Variants in ADGRB3 observed in about 807,000 individuals in gnomAD.
ADGRB3 encodes the protein brain-specific angiogenesis inhibitor 3.
In ADGRB3, 37 loss-of-function variants were observed where a neutral mutation model predicts 193.4. The observed-to-expected ratio is 0.19, with a 90% CI of 0.15 to 0.25. ADGRB3 has a LOEUF of 0.25. Ranked by LOEUF, ADGRB3 falls within the 10% of genes least tolerant of loss-of-function variation. ADGRB3 has a pLI of 1.00. For missense variants in ADGRB3, 1,637 were observed against 1,852.9 expected, an observed-to-expected ratio of 0.88 and a Z score of 2.14; for synonymous variants, 690 against 644.2, an observed-to-expected ratio of 1.07 and a Z score of -1.08.
intron 3 of ADGRB3, among the ~76,000 whole-genome samples, chr6:68,697,338 A>G (rs1295483654): frequency 6.6e-6 from 1 of 151,910 alleles, no homozygotes; most frequent in African/African-American, 2.4e-5. Flanking sequence ...TGCTTTGATC[A>G]TCATTGTTGA....
intron 15 of ADGRB3, among the ~76,000 whole-genome samples, chr6:69,053,337 A>G (rs1251803097): frequency 6.6e-6 from 1 of 152,236 alleles, no homozygotes; most frequent in African/African-American, 2.4e-5. Context: ...TAACTGAGTT[A>G]TAATACAACT....
At position 68,882,383 on chromosome 6, in the gene ADGRB3, T is replaced by C. The variant is rs145124457; in HGVS notation, c.758-48176T>C. On this transcript the variant is annotated intron_variant, in intron 3 of 31. Coordinates refer to ENST00000370598, the MANE Select transcript of ADGRB3 (RefSeq NM_001704.3). Reference sequence around the variant, plus strand: ...AACCACAGGATACTGAAGTTCTCATTTCCTGTTGGGAATTTTCCATGTGAA... The same window carrying C: ...AACCACAGGATACTGAAGTTCTCATCTCCTGTTGGGAATTTTCCATGTGAA... Among the ~76,000 whole-genome samples the C allele has an allele frequency of 5.9e-5, 9 of 152,352 alleles. No individual in the cohort carries two copies. In the East Asian group the frequency reaches 1.7e-3, roughly 29 times the overall value.
intron 20 of ADGRB3, among the ~76,000 whole-genome samples, chr6:69,257,324 A>C (rs960190617): frequency 1.3e-5 from 2 of 152,148 alleles, no homozygotes; most frequent in African/African-American, 2.4e-5. Context: ...CTGTGAATCC[A>C]TCTGGTCCTG....
chr6:68,676,201 G>T lies in ADGRB3; in HGVS notation c.757+36769G>T, dbSNP rs564309375. Among the ~76,000 whole-genome samples the T allele has an allele frequency of 3.2e-4, 48 of 152,022 alleles. No individual in the cohort carries two copies. In the South Asian group the frequency reaches 9.3e-3, roughly 30 times the overall value. On this transcript the variant is annotated intron_variant, in intron 3 of 31. Coordinates refer to ENST00000370598, the MANE Select transcript of ADGRB3 (RefSeq NM_001704.3). ...AGGTCAGGAGATGGAGACCATCCTG[G>T]CTAACATCACGAAACCCCGTCTCCA...
intron 3 of ADGRB3, among the ~76,000 whole-genome samples, chr6:68,698,031 A>T (rs1037322844): frequency 6.6e-6 from 1 of 151,776 alleles, no homozygotes; most frequent in Non-Finnish European, 1.5e-5. Context: ...AGCTAGATAG[A>T]TGATAGATAT....
intron 15 of ADGRB3, among the ~76,000 whole-genome samples, chr6:69,057,473 G>A (rs1357451836): frequency 6.6e-6 from 1 of 151,242 alleles, no homozygotes; most frequent in African/African-American, 2.4e-5. Context: ...GGGCATTTTT[G>A]TCTTATTTCT....
At chr6:69,214,969 G>T (rs771713817) in intron 17 of ADGRB3, among the ~76,000 whole-genome samples, 2 of 152,004 alleles carry the variant, frequency 1.3e-5, no homozygotes, top group Non-Finnish European at 2.9e-5. Flanking sequence ...GATATTCCAA[G>T]AAAGGCAAAA....
chr6:69,359,283 T>C (rs1182996504), intron 28 of ADGRB3, among the ~76,000 whole-genome samples: 1 of 151,640 alleles, frequency 6.6e-6, no homozygotes, highest in Non-Finnish European at 1.5e-5. Context: ...TTAGCATACT[T>C]TGCCCCTTAC....
At chr6:68,949,636 A>G (rs958926367) in intron 6 of ADGRB3, among the ~76,000 whole-genome samples, 1 of 152,146 alleles carries the variant, frequency 6.6e-6, no homozygotes. Context: ...TTGTGTTTGC[A>G]TGAGGTTGTT....
chr6:69,030,271 C>T (rs1436370547), intron 13 of ADGRB3, among the ~76,000 whole-genome samples: 1 of 152,066 alleles, frequency 6.6e-6, no homozygotes, highest in Admixed American at 6.6e-5. Flanking sequence ...TAGGTATATA[C>T]CCAAAGGATT....
At chr6:69,268,942 A>T (rs1767111087) in intron 20 of ADGRB3, among the ~76,000 whole-genome samples, 1 of 152,086 alleles carries the variant, frequency 6.6e-6, no homozygotes, top group Non-Finnish European at 1.5e-5. Context: ...TCACAAGTGC[A>T]CTTTGGACTA....
intron 11 of ADGRB3, among the ~76,000 whole-genome samples, chr6:68,997,260 A>C (rs13205005): frequency 6.6e-6 from 1 of 152,164 alleles, no homozygotes; most frequent in Non-Finnish European, 1.5e-5. Flanking sequence ...ATATGTGCAT[A>C]TGCATATACT....
chr6:69,082,767 GCT>G (rs993876973), intron 17 of ADGRB3, among the ~76,000 whole-genome samples: 2 of 152,060 alleles, frequency 1.3e-5, no homozygotes, highest in African/African-American at 4.8e-5. Flanking sequence ...GTTTGTTTCT[GCT>G]CTCTTTTATT....
chr6:69,273,809 A>G lies in ADGRB3; in HGVS notation c.2814+34583A>G, dbSNP rs544855140. 4.6e-5 allele frequency among the ~76,000 whole-genome samples: 7 copies of G among 152,336 alleles called. No homozygotes were observed. In the East Asian group the frequency reaches 1.4e-3, roughly 29 times the overall value. ...TAGTGGGAGAGGGGATCTGTGGTCTACTGAGCTTTCCTCTATGTTTCCGCC... is the reference window on the plus strand; with the variant it reads ...TAGTGGGAGAGGGGATCTGTGGTCTGCTGAGCTTTCCTCTATGTTTCCGCC... On this transcript the variant is annotated intron_variant, in intron 20 of 31. Transcript: ENST00000370598.
chr6:68,743,159 T>C (rs892449019), intron 3 of ADGRB3, among the ~76,000 whole-genome samples: 2 of 152,098 alleles, frequency 1.3e-5, no homozygotes, highest in African/African-American at 2.4e-5. Flanking sequence ...CCTTCTTTTA[T>C]TGTTATTCCT....
intron 3 of ADGRB3, among the ~76,000 whole-genome samples, chr6:68,913,399 T>A (rs936633439): frequency 1.1e-4 from 16 of 152,084 alleles, no homozygotes; most frequent in African/African-American, 3.9e-4. Flanking sequence ...AAATCCGCTG[T>A]TCTGCAGCCA....
intron 3 of ADGRB3, among the ~76,000 whole-genome samples, chr6:68,906,647 T>C (rs1766557193): frequency 6.6e-6 from 1 of 152,030 alleles, no homozygotes; most frequent in African/African-American, 2.4e-5. Flanking sequence ...GTATTGTTTA[T>C]GTTTTAGACT....
intron 20 of ADGRB3, among the ~76,000 whole-genome samples, chr6:69,273,316 A>T (rs1767222802): frequency 6.6e-6 from 1 of 152,356 alleles, no homozygotes; most frequent in East Asian, 1.9e-4. Context: ...TAAATTCCAT[A>T]TATCAAAATC....
At chr6:69,120,788 T>TAGGTAATAAA (rs1773658048) in intron 17 of ADGRB3, among the ~76,000 whole-genome samples, 2 of 152,158 alleles carry the variant, frequency 1.3e-5, no homozygotes, top group Admixed American at 1.3e-4. Context: ...ATTGAAGTTT[T>TAGGTAATAAA]CCTCGAGCTT....
Sources: allele counts gnomAD v4.1 joint callset (sites outside exome capture counted in the v4.1 genomes callset), GRCh38; gene constraint gnomAD v4.1.1; transcripts MANE v1.5; gene names NCBI Gene and HGNC (gene_info 2026-07-23, HGNC 2026-07-21).